The following CIMIP4 variants were observed in gnomAD, a reference collection of about 807,000 sequenced individuals.
CIMIP4 encodes the protein ciliary microtubule inner protein 4.
the CIMIP4 span, chr22:37,002,348 C>A: frequency 9.1e-7 from 1 of 1,103,660 alleles, no homozygotes; most frequent in Admixed American, 5.1e-5. Flanking sequence ...GAGAGACACG[C>A]AGACAAGGGC....
At chr22:37,004,141 A>G in the CIMIP4 span, 1 of 948,490 alleles carries the variant, frequency 1.1e-6, no homozygotes, top group Non-Finnish European at 1.5e-6. Flanking sequence ...CCCTGATCAG[A>G]GGTTCCTAAG....
chr22:36,994,588 C>T, the CIMIP4 span, among the ~76,000 whole-genome samples: 2,665 of 148,646 alleles, frequency 0.018, 30 homozygotes, highest in Non-Finnish European at 0.025. Flanking sequence ...AGGATGATCT[C>T]GATCTCTTGA....
At chr22:36,991,263 C>T in the CIMIP4 span, 1 of 1,614,146 alleles carries the variant, frequency 6.2e-7, no homozygotes, top group South Asian at 1.1e-5. Context: ...TAGCATTTTT[C>T]TGGTGCCACC....
chr22:36,999,975 C>A, the CIMIP4 span: 16 of 1,611,248 alleles, frequency 9.9e-6, no homozygotes, highest in South Asian at 1.7e-4. Flanking sequence ...TCATCAATAG[C>A]CTTTTGAGCC....
chr22:37,001,849 G>C, the CIMIP4 span: 135 of 1,591,070 alleles, frequency 8.5e-5, 1 homozygote, highest in South Asian at 1.5e-3. Flanking sequence ...GCTCCTCGGA[G>C]ACCAGCTGGT....
the CIMIP4 span, among the ~76,000 whole-genome samples, chr22:36,992,255 G>A: frequency 6.6e-6 from 1 of 152,162 alleles, no homozygotes; most frequent in African/African-American, 2.4e-5. Flanking sequence ...GCTGAGGTAG[G>A]AGAATTGCTT....
chr22:36,998,267 G>T, the CIMIP4 span, among the ~76,000 whole-genome samples: 1 of 152,284 alleles, frequency 6.6e-6, no homozygotes, highest in South Asian at 2.1e-4. Context: ...CAGAGAACAA[G>T]CAGAACTGTA....
chr22:37,000,083 C>T, the CIMIP4 span: 4 of 1,442,494 alleles, frequency 2.8e-6, no homozygotes, highest in African/African-American at 4.3e-5. Flanking sequence ...GCCCTCCCCA[C>T]CCCGATCCCA....
the CIMIP4 span, among the ~76,000 whole-genome samples, chr22:36,997,432 T>A: frequency 1.3e-5 from 2 of 152,310 alleles, no homozygotes; most frequent in South Asian, 4.1e-4. Flanking sequence ...CAAAATCTAT[T>A]CATTAGCATA....
chr22:37,001,419 T>G, the CIMIP4 span, among the ~76,000 whole-genome samples: 1 of 152,022 alleles, frequency 6.6e-6, no homozygotes, highest in African/African-American at 2.4e-5. Context: ...ATGCTATCCA[T>G]CCACTAAATG....
At chr22:37,003,587 A>G in the CIMIP4 span, among the ~76,000 whole-genome samples, 1 of 151,272 alleles carries the variant, frequency 6.6e-6, no homozygotes, top group Non-Finnish European at 1.5e-5. Context: ...GGGCTACACT[A>G]CCCCTGCTCT....
chr22:36,999,664 A>G, the CIMIP4 span, among the ~76,000 whole-genome samples: 1 of 150,932 alleles, frequency 6.6e-6, no homozygotes, highest in Non-Finnish European at 1.5e-5. Flanking sequence ...AGGGGACTGG[A>G]TGTTCCCAGC....
the CIMIP4 span, among the ~76,000 whole-genome samples, chr22:36,994,061 C>T: frequency 1.3e-5 from 2 of 152,108 alleles, no homozygotes; most frequent in African/African-American, 4.8e-5. Flanking sequence ...AAAACAATTG[C>T]AATTCATTAA....
the CIMIP4 span, chr22:37,007,341 G>A: frequency 6.6e-6 from 1 of 152,202 alleles, no homozygotes; most frequent in Non-Finnish European, 1.5e-5. Flanking sequence ...TTTCACAGAT[G>A]GAGAAAATGA....
At chr22:36,998,982 G>T in the CIMIP4 span, among the ~76,000 whole-genome samples, 8 of 152,118 alleles carry the variant, frequency 5.3e-5, no homozygotes, top group African/African-American at 1.9e-4. Context: ...GGCAGCGGAG[G>T]CTTGCAGAGG....
the CIMIP4 span, chr22:37,001,766 C>A: frequency 2.1e-6 from 3 of 1,414,712 alleles, no homozygotes; most frequent in Non-Finnish European, 2.8e-6. Context: ...GGACTCTGTA[C>A]TCAAGAGTGA....
the CIMIP4 span, among the ~76,000 whole-genome samples, chr22:37,002,809 G>A: frequency 6.6e-6 from 1 of 152,156 alleles, no homozygotes; most frequent in Non-Finnish European, 1.5e-5. Flanking sequence ...GAGTTGGATG[G>A]GACTTCCAGA....
the CIMIP4 span, among the ~76,000 whole-genome samples, chr22:36,996,923 G>C: frequency 1.3e-5 from 2 of 152,208 alleles, no homozygotes; most frequent in Non-Finnish European, 1.5e-5. Flanking sequence ...GGAAAGATGA[G>C]CCTATTCAAT....
the CIMIP4 span, among the ~76,000 whole-genome samples, chr22:36,999,369 A>G: frequency 1.3e-5 from 2 of 148,280 alleles, no homozygotes; most frequent in African/African-American, 5.0e-5. Context: ...GGTCCCAGCT[A>G]CTTATGGGGG....
Sources: allele counts gnomAD v4.1 joint callset (sites outside exome capture counted in the v4.1 genomes callset), GRCh38; gene constraint gnomAD v4.1.1; transcripts MANE v1.5; gene names NCBI Gene and HGNC (gene_info 2026-07-23, HGNC 2026-07-21).